GDF11: variants seen among roughly 807,000 people sequenced by gnomAD.
GDF11 encodes growth differentiation factor 11, also known as growth/differentiation factor 11.
Under a neutral mutation model 34.4 loss-of-function variants are expected in GDF11, and 12 were observed. That is an observed-to-expected ratio of 0.35 (90% confidence interval 0.22 to 0.57). GDF11 has a LOEUF of 0.57. GDF11 is among the 20% of genes least tolerant of loss of function. The pLI is 0.86. For synonymous variants in GDF11, 212 were observed against 231.1 expected (o/e 0.92, Z 0.75); for missense variants, 346 against 548.2 (o/e 0.63, Z 3.68).
Position 55,749,103 on chromosome 12 carries a change from G to A in GDF11, c.843+120G>A. ...TGGGGACCAGCATTACTTCTCTGGG[G>A]TCAGCAGCTGATTCTAGAGGAGGAG... On this transcript the variant is annotated intron_variant, in intron 2 of 2. Coordinates refer to ENST00000257868, the MANE Select transcript of GDF11 (RefSeq NM_005811.5). This position sits in a 1 kb window ranked among gnomAD's most constrained non-coding sequence, Gnocchi z 5.6. 9.9e-7 allele frequency: 1 copy of A among 1,013,018 alleles called. No homozygotes were observed. The highest frequency in any genetic ancestry group is 1.7e-5 in the South Asian group (1 of 59,184). 62.8% of individuals were successfully genotyped at this position (1,013,018 alleles called of 1,614,324 possible).
rs1397261455 is a variant in GDF11, at chr12:55,751,224, A to G, written c.*1342A>G. On this transcript the variant is annotated 3_prime_UTR_variant, in exon 3 of 3. Coordinates refer to ENST00000257868, the MANE Select transcript of GDF11 (RefSeq NM_005811.5). ...TTTTTTCCTTTTATTTTTGGAATCT[A>G]ACAGTACCTGGCAGCAGGGAGGGGA... 6.6e-6 allele frequency: 1 copy of G among 152,300 alleles called. No individual in the cohort carries two copies. The highest frequency in any genetic ancestry group is 1.9e-4 in the East Asian group (1 of 5,200). The allele number at this position is 152,300 out of a possible 1,614,324, so 9.4% of individuals were successfully genotyped here.
At position 55,743,443 on chromosome 12, in the gene GDF11, G is replaced by T; in HGVS notation, c.127G>T (p.Val43Phe). 3.3e-6 allele frequency: 4 copies of T among 1,209,324 alleles called. No individual in the cohort carries two copies. Among genetic ancestry groups the T allele is most frequent in the Non-Finnish European group, 4.1e-6 (4 of 971,570 alleles). The allele number at this position is 1,209,324 out of a possible 1,614,324, so 74.9% of individuals were successfully genotyped here. A position where few individuals can be genotyped will look rare whatever the true frequency, so the allele number is the denominator to read the frequency against. Reference protein sequence around the residue: ...AAAAAAAAAGVGGERSSRPAP... With the variant: ...AAAAAAAAAGFGGERSSRPAP... ...GGCGGCGGCGGCGGCAGCGGCGGGG[G>T]TCGGGGGGGAGCGCTCCAGCCGGCC... The change falls in exon 1 of 3, where the codon GTC becomes TTC. Residue 43 changes from valine to phenylalanine, a missense_variant. This residue lies in a region of GDF11 where 141 missense variants were observed against 213.8 expected (regional missense o/e 0.66). Coordinates refer to ENST00000257868, the MANE Select transcript of GDF11 (RefSeq NM_005811.5).
rs1645297218 is a variant in GDF11, at chr12:55,752,382, G to GGC, written c.*2501_*2502insCG. ...GACCTTTGTGTGTGTGTGGTGGGTG[G>GGC]GGGGGGGGCAGGGGTCTTTCTCTTA... On this transcript the variant is annotated 3_prime_UTR_variant, in exon 3 of 3. Coordinates refer to ENST00000257868, the MANE Select transcript of GDF11 (RefSeq NM_005811.5). The GGC allele has an allele frequency of 6.9e-6, 1 of 144,210 alleles. No homozygotes were observed. Among genetic ancestry groups the GGC allele is most frequent in the Admixed American group, 6.9e-5 (1 of 14,564 alleles). The allele number at this position is 144,210 out of a possible 1,614,324, so 8.9% of individuals were successfully genotyped here. A position where few individuals can be genotyped will look rare whatever the true frequency, so the allele number is the denominator to read the frequency against.
At chr12:55,747,000 T>A (rs564093732) in intron 1 of GDF11, among the ~76,000 whole-genome samples, 13 of 152,344 alleles carry the variant, frequency 8.5e-5, no homozygotes, top group African/African-American at 3.1e-4. Flanking sequence ...GCACTGAAGC[T>A]ACAATGGTGA....
In GDF11 at chr12:55,753,989, A is replaced by C. The variant is rs1486549385; in HGVS notation, c.*4107A>C. 3 of 152,094 alleles carry C rather than the reference A, an allele frequency of 2.0e-5. No homozygotes were observed. Among genetic ancestry groups the C allele is most frequent in the Non-Finnish European group, 2.9e-5 (2 of 68,054 alleles). 9.4% of individuals were successfully genotyped at this position (152,094 alleles called of 1,614,324 possible). ...TAATTAAAGTAAAATAAAAATAAGG[A>C]AAGCTCCTGTGACATCAACCTGATC... is the stretch of plus-strand genomic sequence containing the variant. On this transcript the variant is annotated 3_prime_UTR_variant, in exon 3 of 3. Transcript: ENST00000257868.
In GDF11 at chr12:55,749,945, T is replaced by C. The variant is rs972397046; in HGVS notation, c.*63T>C. On this transcript the variant is annotated 3_prime_UTR_variant, in exon 3 of 3. Transcript: ENST00000257868. This position sits in a 1 kb window ranked among gnomAD's most constrained non-coding sequence, Gnocchi z 5.6. ...CCCAAGACCCCTAGCCCTGCCCCCA[T>C]CCCCCCAAGCCCTAGAGCTCCCTCC... 7.9e-6 allele frequency: 11 copies of C among 1,398,920 alleles called. No homozygotes were observed. Among genetic ancestry groups the C allele is most frequent in the Non-Finnish European group, 9.8e-6 (10 of 1,017,954 alleles). 86.7% of individuals were successfully genotyped at this position (1,398,920 alleles called of 1,614,324 possible).
rs959215605 is a variant in GDF11, at chr12:55,757,218, C to T, written c.*7336C>T. ...TATTTGCCCCTGAAGCTCCCCTTATCTGGTCTAATCTAGCTCCAATAAATC... is the reference window on the plus strand; with the variant it reads ...TATTTGCCCCTGAAGCTCCCCTTATTTGGTCTAATCTAGCTCCAATAAATC... On this transcript the variant is annotated 3_prime_UTR_variant, in exon 3 of 3. Coordinates refer to ENST00000257868, the MANE Select transcript of GDF11 (RefSeq NM_005811.5). 1 of 243,094 alleles carries T rather than the reference C, an allele frequency of 4.1e-6. No individual in the cohort carries two copies. The highest frequency in any genetic ancestry group is 7.9e-6 in the Non-Finnish European group (1 of 125,898). 15.1% of individuals were successfully genotyped at this position (243,094 alleles called of 1,614,324 possible).
rs1878505539 is a variant in GDF11 at position 55,756,387 on chromosome 12, A to G, written c.*6505A>G. ...TCCCTGCTTTCCTCACCAACCAGAG[A>G]CTTTGGAGAAATAAAGAGATATCTT... is the stretch of plus-strand genomic sequence containing the variant. On this transcript the variant is annotated 3_prime_UTR_variant, in exon 3 of 3. Coordinates refer to ENST00000257868, the MANE Select transcript of GDF11 (RefSeq NM_005811.5). The G allele has an allele frequency of 6.6e-6, 1 of 152,192 alleles. No homozygotes were observed. Among genetic ancestry groups the G allele is most frequent in the African/African-American group, 2.4e-5 (1 of 41,444 alleles). 9.4% of individuals were successfully genotyped at this position (152,192 alleles called of 1,614,324 possible).
At chr12:55,744,708 C>G (rs146693932) in intron 1 of GDF11, among the ~76,000 whole-genome samples, 240 of 151,628 alleles carry the variant, frequency 1.6e-3, no homozygotes, top group African/African-American at 5.8e-3. Context: ...GGTCTCCCCC[C>G]CTCCCCAACT....
chr12:55,756,832 T>C lies in GDF11; in HGVS notation c.*6950T>C, dbSNP rs1199665895. The C allele has an allele frequency of 1.3e-5, 2 of 152,222 alleles. No individual in the cohort carries two copies. The highest frequency in any genetic ancestry group is 2.4e-5 in the African/African-American group (1 of 41,452). 9.4% of individuals were successfully genotyped at this position (152,222 alleles called of 1,614,324 possible). A position where few individuals can be genotyped will look rare whatever the true frequency, so the allele number is the denominator to read the frequency against. ...CCCTTCCTGAACTGACTGACCAACA[T>C]AGTATCGTATCACATCACCCTTGAA... On this transcript the variant is annotated 3_prime_UTR_variant, in exon 3 of 3. Coordinates refer to ENST00000257868, the MANE Select transcript of GDF11 (RefSeq NM_005811.5).
intron 1 of GDF11, among the ~76,000 whole-genome samples, chr12:55,746,978 G>A (rs964407946): frequency 1.3e-5 from 2 of 152,218 alleles, no homozygotes; most frequent in African/African-American, 4.8e-5. Context: ...GTGCTGTCTA[G>A]CACTATGGGA....
rs540355211 is a variant in GDF11, at chr12:55,757,087, C to T, written c.*7205C>T. ...ACCTCTTCACAGAGGATAAAAAATG[C>T]TTGTGAGTATGACAGAAGGGAATAA... On this transcript the variant is annotated 3_prime_UTR_variant, in exon 3 of 3. Transcript: ENST00000257868. 6.5e-6 allele frequency: 1 copy of T among 153,062 alleles called. No homozygotes were observed. Among genetic ancestry groups the T allele is most frequent in the African/African-American group, 2.4e-5 (1 of 41,442 alleles). The allele number at this position is 153,062 out of a possible 1,614,324, so 9.5% of individuals were successfully genotyped here.
chr12:55,748,764 C>G lies in GDF11; in HGVS notation c.624C>G (p.Thr208=). 1 of 1,614,218 alleles carries G rather than the reference C, an allele frequency of 6.2e-7. No individual in the cohort carries two copies. The highest frequency in any genetic ancestry group is 8.5e-7 in the Non-Finnish European group (1 of 1,180,038). The change falls in exon 2 of 3, where the codon ACC becomes ACG. Residue 208 remains threonine (T), a synonymous_variant. Coordinates refer to ENST00000257868, the MANE Select transcript of GDF11 (RefSeq NM_005811.5). This position sits in a 1 kb window ranked among gnomAD's most constrained non-coding sequence, Gnocchi z 5.6. ...LRLKPLTGEG[T]AGGGGGGRRH... ...TAAAACCCCTAACTGGGGAAGGGAC[C>G]GCAGGGGGAGGGGGCGGAGGCCGGC...
In GDF11 at chr12:55,751,874, C is replaced by T. The variant is rs1344176323; in HGVS notation, c.*1992C>T. 1.3e-5 allele frequency: 2 copies of T among 152,224 alleles called. No individual in the cohort carries two copies. The highest frequency in any genetic ancestry group is 2.9e-5 in the Non-Finnish European group (2 of 68,076). The allele number at this position is 152,224 out of a possible 1,614,324, so 9.4% of individuals were successfully genotyped here. On this transcript the variant is annotated 3_prime_UTR_variant, in exon 3 of 3. Transcript: ENST00000257868. ...AGCAAAACTGGATGGCTCATTCTTCCCAAGAGCATGACTCTCCCCCTTGGC... is the reference window on the plus strand; with the variant it reads ...AGCAAAACTGGATGGCTCATTCTTCTCAAGAGCATGACTCTCCCCCTTGGC...
In GDF11 at chr12:55,749,148, C is replaced by T. The variant is rs1275456842; in HGVS notation, c.843+165C>T. 1.3e-5 allele frequency among the ~76,000 whole-genome samples: 2 copies of T among 152,128 alleles called. No homozygotes were observed. Among genetic ancestry groups the T allele is most frequent in the Admixed American group, 1.3e-4 (2 of 15,276 alleles). On this transcript the variant is annotated intron_variant, in intron 2 of 2. Transcript: ENST00000257868. The surrounding 1 kb of genome is among the most constrained non-coding windows in gnomAD (Gnocchi z 5.6). ...GAGGAGGTGAGGAGTGGGGTGGCAA[C>T]TATTACTTCTCAAGGATCCAAATCA...
rs185519202 is a variant in GDF11 at position 55,756,062 on chromosome 12, C to T, written c.*6180C>T. 1.6e-4 allele frequency: 24 copies of T among 152,270 alleles called. No individual in the cohort carries two copies. Among genetic ancestry groups the T allele is most frequent in the Admixed American group, 1.5e-3 (23 of 15,288 alleles). 9.4% of individuals were successfully genotyped at this position (152,270 alleles called of 1,614,324 possible). A position where few individuals can be genotyped will look rare whatever the true frequency, so the allele number is the denominator to read the frequency against. Reference sequence around the variant, plus strand: ...GAAACCATTAGTGAATCTATAATCTCTCAAGTTACAAATCAGATCTATTCT... The same window carrying T: ...GAAACCATTAGTGAATCTATAATCTTTCAAGTTACAAATCAGATCTATTCT... On this transcript the variant is annotated 3_prime_UTR_variant, in exon 3 of 3. Coordinates refer to ENST00000257868, the MANE Select transcript of GDF11 (RefSeq NM_005811.5).
intron 1 of GDF11, among the ~76,000 whole-genome samples, chr12:55,744,051 G>C (rs555609527): frequency 7.2e-5 from 11 of 152,156 alleles, no homozygotes; most frequent in Non-Finnish European, 1.5e-4. Context: ...GTTGGAGTCC[G>C]GGGAAGCTGG....
At chr12:55,745,194 A>G (rs1878154866) in intron 1 of GDF11, among the ~76,000 whole-genome samples, 1 of 152,066 alleles carries the variant, frequency 6.6e-6, no homozygotes, top group African/African-American at 2.4e-5. Flanking sequence ...ATTCAGATCA[A>G]GAGTTTGCTG....
chr12:55,745,781 G>C (rs2136165957), intron 1 of GDF11, among the ~76,000 whole-genome samples: 1 of 132,846 alleles, frequency 7.5e-6, no homozygotes, highest in South Asian at 2.7e-4. Context: ...ACCTCTCCTA[G>C]GCTGCTCTGC....
Sources: gnomAD v4.1 joint callset for allele counts (sites outside exome capture counted in the v4.1 genomes callset) on GRCh38, gnomAD v4.1.1 for gene constraint, gnomAD v4.1.1 regional missense constraint, Gnocchi (gnomAD v3.1) non-coding constraint, MANE v1.5 for transcripts, NCBI Gene and HGNC (gene_info 2026-07-23, HGNC 2026-07-21) for gene names.